The following TENM4 variants were observed in gnomAD, a reference collection of about 807,000 sequenced individuals.
TENM4 encodes the protein teneurin-4.
TENM4 carries 82 observed loss-of-function variants against 243.3 expected under a neutral mutation model. The ratio of observed to expected loss-of-function variants is 0.34; its 90% CI spans 0.28 to 0.40. The LOEUF is 0.40. Among genes scored for constraint, TENM4 ranks in the 10% least tolerant of loss-of-function variants. The pLI is 1.00. For synonymous variants in TENM4, 1,412 were observed against 1,456.3 expected, an observed-to-expected ratio of 0.97 and a Z score of 0.69; for missense variants, 3,138 against 3,673.3, an observed-to-expected ratio of 0.85 and a Z score of 3.77.
At chr11:78,981,605 G>T (rs991092124) in intron 6 of TENM4, among the ~76,000 whole-genome samples, 6 of 152,190 alleles carry the variant, frequency 3.9e-5, no homozygotes, top group Non-Finnish European at 8.8e-5. Context: ...GAATCATCCG[G>T]ACACAATGCC....
intron 15 of TENM4, among the ~76,000 whole-genome samples, chr11:78,800,458 C>T (rs1187894237): frequency 2.0e-5 from 3 of 151,986 alleles, no homozygotes; most frequent in South Asian, 4.2e-4. Flanking sequence ...GCCCAGCACA[C>T]TGTGTGGGGA....
intron 12 of TENM4, among the ~76,000 whole-genome samples, chr11:78,840,213 T>C (rs1565401415): frequency 6.6e-6 from 1 of 152,180 alleles, no homozygotes; most frequent in Non-Finnish European, 1.5e-5. Flanking sequence ...AAACTCTATT[T>C]GTGGAAAACA....
At chr11:79,186,887 C>G (rs1352012282) in intron 3 of TENM4, among the ~76,000 whole-genome samples, 3 of 152,094 alleles carry the variant, frequency 2.0e-5, no homozygotes, top group Non-Finnish European at 2.9e-5. Context: ...CTGAAACAGC[C>G]CCTCGGAGCC....
At chr11:79,194,900 A>C (rs1863589892) in intron 3 of TENM4, among the ~76,000 whole-genome samples, 1 of 152,142 alleles carries the variant, frequency 6.6e-6, no homozygotes. Flanking sequence ...CCTTCACAGC[A>C]GCCCCTCCCA....
intron 1 of TENM4, among the ~76,000 whole-genome samples, chr11:79,412,373 C>T (rs1417412258): frequency 1.3e-5 from 2 of 152,170 alleles, no homozygotes; most frequent in Non-Finnish European, 2.9e-5. Flanking sequence ...CGACAGCCCT[C>T]GTAAGACAGT....
intron 3 of TENM4, among the ~76,000 whole-genome samples, chr11:79,183,263 G>C (rs530270713): frequency 6.6e-6 from 1 of 152,284 alleles, no homozygotes; most frequent in South Asian, 2.1e-4. Context: ...AAAAGACATG[G>C]AGGAAACTTA....
intron 15 of TENM4, among the ~76,000 whole-genome samples, chr11:78,796,792 G>C (rs1857170630): frequency 6.6e-6 from 1 of 152,088 alleles, no homozygotes; most frequent in African/African-American, 2.4e-5. Context: ...AAAATGCCTT[G>C]ATCTCCCATC....
Position 78,676,404 on chromosome 11 carries a change from GCA to G in TENM4, c.5261-19_5261-18del. On this transcript the variant is annotated intron_variant, in intron 29 of 33. Coordinates refer to ENST00000278550, the MANE Select transcript of TENM4 (RefSeq NM_001098816.3). The stretch of plus-strand genomic sequence containing the variant: ...GGACTTGGTCTGCAGGAGAGGACAA[GCA>G]CAGACTGCTCAGAAGGAACGAAGGT... 1 of 1,573,248 alleles carries G rather than the reference GCA, an allele frequency of 6.4e-7. No homozygotes were observed. The highest frequency in any genetic ancestry group is 8.7e-7 in the Non-Finnish European group (1 of 1,150,160).
intron 4 of TENM4, among the ~76,000 whole-genome samples, chr11:79,140,134 C>CTTCA (rs1394563463): frequency 6.6e-6 from 1 of 151,974 alleles, no homozygotes; most frequent in African/African-American, 2.4e-5. Context: ...GCCTCCTCAA[C>CTTCA]TTCAACTCCC....
intron 1 of TENM4, among the ~76,000 whole-genome samples, chr11:79,310,785 T>A (rs1187599070): frequency 6.6e-6 from 1 of 152,124 alleles, no homozygotes; most frequent in Non-Finnish European, 1.5e-5. Flanking sequence ...GACACAGGTC[T>A]GGGGCTTGGG....
chr11:79,344,543 G>A (rs1857296017), intron 1 of TENM4, among the ~76,000 whole-genome samples: 1 of 152,218 alleles, frequency 6.6e-6, no homozygotes, highest in Admixed American at 6.5e-5. Context: ...GGGTCTGCAT[G>A]CACCTGACCA....
chr11:79,324,161 AT>A (rs1272453903), intron 1 of TENM4, among the ~76,000 whole-genome samples: 4 of 151,952 alleles, frequency 2.6e-5, no homozygotes, highest in Admixed American at 2.0e-4. Flanking sequence ...TTTATACTGT[AT>A]TTTTTACTCA....
chr11:78,755,107 T>A (rs1785816), intron 19 of TENM4, among the ~76,000 whole-genome samples: 112,519 of 152,026 alleles, frequency 0.74, 43,800 homozygotes, highest in Non-Finnish European at 0.88. Flanking sequence ...ACAGGGAGGC[T>A]CCCCATGGCT....
chr11:79,319,935 T>A (rs1856860356), intron 1 of TENM4, among the ~76,000 whole-genome samples: 1 of 152,144 alleles, frequency 6.6e-6, no homozygotes, highest in South Asian at 2.1e-4. Flanking sequence ...GACAAGATTT[T>A]CTTATTAGGT....
intron 2 of TENM4, among the ~76,000 whole-genome samples, chr11:79,251,292 G>T (rs1855608086): frequency 1.3e-5 from 2 of 152,314 alleles, no homozygotes; most frequent in African/African-American, 4.8e-5. Context: ...CAGCTGCATA[G>T]GAAACCAAGA....
Position 78,732,528 on chromosome 11 carries a change from G to A in TENM4, c.2926C>T (p.Arg976Trp). Residue 976 changes from arginine (R) to tryptophan (W), a missense_variant, in exon 21 of 34, where the codon CGG (arginine) becomes TGG (tryptophan). Arg to Trp is a moderately radical substitution (Grantham distance 101, BLOSUM62 -3). This residue lies in a region of TENM4 where 2,467 missense variants were observed against 3,059.1 expected (regional missense o/e 0.81). Transcript: ENST00000278550. ...TGCTCCTGTGTGATGAAAGGTGCCC[G>A]CTCGAACCGCAGGATGATGGAGATG... ...GGISIILRFE[R>W]APFITQEHTL... 6.2e-7 allele frequency: 1 copy of A among 1,612,660 alleles called. No individual in the cohort carries two copies. The highest frequency in any genetic ancestry group is 8.5e-7 in the Non-Finnish European group (1 of 1,179,150).
intron 1 of TENM4, among the ~76,000 whole-genome samples, chr11:79,334,516 A>C (rs1414589975): frequency 6.6e-6 from 1 of 152,222 alleles, no homozygotes; most frequent in Admixed American, 6.5e-5. Context: ...ATGGCTGCCC[A>C]GCACTGTCAG....
intron 6 of TENM4, among the ~76,000 whole-genome samples, chr11:78,916,010 C>T (rs116599619): frequency 0.011 from 1,747 of 152,336 alleles, 32 homozygotes; most frequent in African/African-American, 0.04. Flanking sequence ...GCCTCGGGAT[C>T]AAATCTCACC....
intron 9 of TENM4, among the ~76,000 whole-genome samples, chr11:78,865,534 G>C (rs1314740057): frequency 1.3e-5 from 2 of 152,162 alleles, no homozygotes; most frequent in African/African-American, 2.4e-5. Context: ...CTGTGAGCTA[G>C]AGAGGGAACT....
Sources: gnomAD v4.1 joint callset for allele counts (sites outside exome capture counted in the v4.1 genomes callset) on GRCh38, gnomAD v4.1.1 for gene constraint, gnomAD v4.1.1 regional missense constraint, MANE v1.5 for transcripts, NCBI Gene and HGNC (gene_info 2026-07-23, HGNC 2026-07-21) for gene names.